Variants in TULP4 observed in about 807,000 individuals in gnomAD.
TULP4 encodes tubby-related protein 4.
TULP4 carries 16 observed loss-of-function variants against 129.0 expected under a neutral mutation model. The ratio of observed to expected loss-of-function variants is 0.12; its 90% CI spans 0.08 to 0.19. The LOEUF is 0.19. TULP4 is among the 10% of genes least tolerant of loss of function. The pLI is 1.00. For synonymous variants in TULP4, 998 were observed against 854.0 expected (o/e 1.17, Z -2.94); for missense variants, 1,842 against 2,059.1 (o/e 0.89, Z 2.04).
At chr6:158,240,063 C>T (rs1309276627) in intron 1 of TULP4, among the ~76,000 whole-genome samples, 185 of 79,978 alleles carry the variant, frequency 2.3e-3, no homozygotes, top group Middle Eastern at 0.013. Flanking sequence ...ACCTCCCTCC[C>T]GGACGGGGCG....
intron 1 of TULP4, among the ~76,000 whole-genome samples, chr6:158,342,947 A>ATGTGTGTG (rs5881254): frequency 0.08 from 11,854 of 147,412 alleles, 575 homozygotes; most frequent in Middle Eastern, 0.14. Context: ...TTAAAAATAA[A>ATGTGTGTG]TGTGTGTGTG....
rs1004163385 is a variant in TULP4, at chr6:158,507,863, C to G, written c.*1169C>G. ...TGTAACCAAAAAAATGTTAAGTGTTCACCAGGGTATTAAAATACAGAGGAG... is the reference window on the plus strand; with the variant it reads ...TGTAACCAAAAAAATGTTAAGTGTTGACCAGGGTATTAAAATACAGAGGAG... On this transcript the variant is annotated 3_prime_UTR_variant, in exon 14 of 14. Coordinates refer to ENST00000367097, the MANE Select transcript of TULP4 (RefSeq NM_020245.5). 2.0e-5 allele frequency: 3 copies of G among 152,150 alleles called. No homozygotes were observed. The highest frequency in any genetic ancestry group is 7.2e-5 in the African/African-American group (3 of 41,434). The allele number at this position is 152,150 out of a possible 1,614,324, so 9.4% of individuals were successfully genotyped here. A position where few individuals can be genotyped will look rare whatever the true frequency, so the allele number is the denominator to read the frequency against.
rs1778384157 is a variant in TULP4, at chr6:158,422,946, C to T, written c.382-6790C>T. Among the ~76,000 whole-genome samples the T allele has an allele frequency of 2.0e-5, 3 of 152,338 alleles. No individual in the cohort carries two copies. The South Asian group carries it at 6.2e-4, about 32-fold the overall frequency. On this transcript the variant is annotated intron_variant, in intron 2 of 13. Coordinates refer to ENST00000367097, the MANE Select transcript of TULP4 (RefSeq NM_020245.5). Reference sequence around the variant, plus strand: ...CCCGAATCGCCATGTTGGATGGACCCAGTTTCTAATGGTCTGCATTTGCAT... The same window carrying T: ...CCCGAATCGCCATGTTGGATGGACCTAGTTTCTAATGGTCTGCATTTGCAT...
intron 3 of TULP4, among the ~76,000 whole-genome samples, chr6:158,447,957 C>T (rs901549974): frequency 5.9e-5 from 9 of 152,354 alleles, no homozygotes; most frequent in African/African-American, 1.9e-4. Context: ...CAGAGACCAT[C>T]ACACAAAGCA....
intron 11 of TULP4, among the ~76,000 whole-genome samples, chr6:158,496,027 A>T (rs1780329551): frequency 6.6e-6 from 1 of 152,172 alleles, no homozygotes; most frequent in African/African-American, 2.4e-5. Flanking sequence ...CTCCTGCCCA[A>T]ATGAGTTGCA....
intron 1 of TULP4, among the ~76,000 whole-genome samples, chr6:158,389,323 C>T (rs899334440): frequency 6.6e-6 from 1 of 152,076 alleles, no homozygotes; most frequent in African/African-American, 2.4e-5. Context: ...TGGTGGTATG[C>T]ACCTTATGTT....
At chr6:158,405,166 ACTGT>A (rs1160021981) in intron 1 of TULP4, among the ~76,000 whole-genome samples, 1 of 152,238 alleles carries the variant, frequency 6.6e-6, no homozygotes, top group East Asian at 1.9e-4. Context: ...GTTTAAATTC[ACTGT>A]CTAACAAGAT....
intron 6 of TULP4, among the ~76,000 whole-genome samples, chr6:158,468,910 T>C (rs956824337): frequency 2.0e-5 from 3 of 152,006 alleles, no homozygotes; most frequent in Non-Finnish European, 4.4e-5. Flanking sequence ...ATCGTGAGGG[T>C]GGAGGCCTTA....
chr6:158,432,204 C>A (rs1024328748), intron 3 of TULP4, among the ~76,000 whole-genome samples: 1 of 151,360 alleles, frequency 6.6e-6, no homozygotes, highest in Non-Finnish European at 1.5e-5. Context: ...GGCACTCAGT[C>A]TTGTTTGAAC....
At chr6:158,366,813 C>T (rs1003735581) in intron 1 of TULP4, among the ~76,000 whole-genome samples, 3 of 152,194 alleles carry the variant, frequency 2.0e-5, no homozygotes, top group African/African-American at 7.2e-5. Context: ...GTCTTAGCTT[C>T]TTGGTCTTTA....
chr6:158,426,646 G>C (rs1007665930), intron 2 of TULP4, among the ~76,000 whole-genome samples: 1 of 152,180 alleles, frequency 6.6e-6, no homozygotes, highest in African/African-American at 2.4e-5. Context: ...TTGAAGTCAG[G>C]TAGCATGATG....
intron 5 of TULP4, among the ~76,000 whole-genome samples, chr6:158,454,267 A>T (rs1391007630): frequency 6.6e-6 from 1 of 151,968 alleles, no homozygotes; most frequent in Non-Finnish European, 1.5e-5. Flanking sequence ...TTGTCTGTAA[A>T]TTTTTTTCTG....
chr6:158,274,734 G>T (rs994261378), intron 1 of TULP4, among the ~76,000 whole-genome samples: 3 of 151,724 alleles, frequency 2.0e-5, no homozygotes, highest in African/African-American at 4.8e-5. Flanking sequence ...CCGAGATTGC[G>T]CCCCTGCACT....
rs550856713 is a variant in TULP4 at position 158,297,865 on chromosome 6, C to T, written n.117-14186C>T. Among the ~76,000 whole-genome samples, 370 of 152,122 alleles carry T rather than the reference C, an allele frequency of 2.4e-3. 2 individuals are homozygous for T. The highest frequency in any genetic ancestry group is 3.9e-3 in the South Asian group (19 of 4,814). ...AGAACTGGTCTGACCACAAATTTAC[C>T]AGGGCGGAGTTTTTTCCCACTCTAG... On this transcript the variant is annotated intron_variant and non_coding_transcript_variant, in intron 1 of 1. Transcript: ENST00000432358.
At chr6:158,438,818 C>T (rs1481665853) in intron 3 of TULP4, among the ~76,000 whole-genome samples, 1 of 152,092 alleles carries the variant, frequency 6.6e-6, no homozygotes, top group African/African-American at 2.4e-5. Context: ...CTCCTGACTT[C>T]AGGTGATCTG....
intron 6 of TULP4, among the ~76,000 whole-genome samples, chr6:158,473,392 C>T (rs993374025): frequency 6.6e-6 from 1 of 152,120 alleles, no homozygotes; most frequent in African/African-American, 2.4e-5. Context: ...TTTGGTTGAC[C>T]GAACGCTGAA....
intron 2 of TULP4, among the ~76,000 whole-genome samples, chr6:158,417,807 G>C (rs1038312997): frequency 6.6e-6 from 1 of 152,200 alleles, no homozygotes; most frequent in Non-Finnish European, 1.5e-5. Context: ...AAAGCTAAGA[G>C]ATGCTTTAAC....
chr6:158,421,471 G>C (rs1778339125), intron 2 of TULP4, among the ~76,000 whole-genome samples: 1 of 152,316 alleles, frequency 6.6e-6, no homozygotes. Context: ...GTTGACAATT[G>C]GTTGAGTTTG....
chr6:158,454,830 T>C (rs1044216241), intron 5 of TULP4, among the ~76,000 whole-genome samples: 3 of 152,048 alleles, frequency 2.0e-5, no homozygotes, highest in Admixed American at 6.6e-5. Context: ...GGTCTCGAAC[T>C]TCTGACCTCA....
Sources: gnomAD v4.1 joint callset for allele counts (sites outside exome capture counted in the v4.1 genomes callset) on GRCh38, gnomAD v4.1.1 for gene constraint, MANE v1.5 for transcripts, NCBI Gene and HGNC (gene_info 2026-07-23, HGNC 2026-07-21) for gene names.